The following LAMA2 variants were observed in gnomAD, a reference collection of about 807,000 sequenced individuals.
LAMA2 encodes the protein laminin subunit alpha 2.
LAMA2 carries 269 observed loss-of-function variants against 364.8 expected under a neutral mutation model. The ratio of observed to expected loss-of-function variants is 0.74; its 90% CI spans 0.67 to 0.82. The LOEUF is 0.82. Among genes scored for constraint, LAMA2 ranks in the 40% least tolerant of loss-of-function variants. The pLI is 0.00. For synonymous variants in LAMA2, 1,379 were observed against 1,370.6 expected (o/e 1.01, Z -0.14); for missense variants, 3,807 against 3,873.2 (o/e 0.98, Z 0.45).
At chr6:129,206,103 AGGG>A in intron 12 of LAMA2, among the ~76,000 whole-genome samples, 2 of 92,334 alleles carry the variant, frequency 2.2e-5, no homozygotes, top group African/African-American at 1.2e-4. Context: ...GGAGGGAGGG[AGGG>A]AGGAAGGAAG....
intron 62 of LAMA2, among the ~76,000 whole-genome samples, chr6:129,510,485 G>A (rs765500575): frequency 7.2e-5 from 11 of 152,138 alleles, no homozygotes; most frequent in African/African-American, 1.2e-4. Context: ...ATTCAGTCCC[G>A]TGGTATCATA....
intron 28 of LAMA2, among the ~76,000 whole-genome samples, chr6:129,324,233 T>C (rs768594956): frequency 2.0e-5 from 3 of 152,240 alleles, no homozygotes; most frequent in Non-Finnish European, 4.4e-5. Flanking sequence ...CTATTTGAGA[T>C]AGAGAAACCT....
At chr6:129,327,672 C>T (rs12206081) in intron 28 of LAMA2, among the ~76,000 whole-genome samples, 21,682 of 152,052 alleles carry the variant, frequency 0.14, 2,022 homozygotes, top group East Asian at 0.44. Flanking sequence ...CATATGTCAG[C>T]TTCACTAGAA....
intron 3 of LAMA2, among the ~76,000 whole-genome samples, chr6:129,062,234 A>G (rs1788970090): frequency 6.6e-6 from 1 of 152,180 alleles, no homozygotes; most frequent in Admixed American, 6.5e-5. Flanking sequence ...ATAATCCTGA[A>G]TAAACCAGCT....
At chr6:129,342,818 A>C (rs953217465) in intron 30 of LAMA2, among the ~76,000 whole-genome samples, 3 of 152,158 alleles carry the variant, frequency 2.0e-5, no homozygotes, top group African/African-American at 7.2e-5. Flanking sequence ...ATCATCTATG[A>C]AGGATTGTTC....
chr6:129,234,424 T>G (rs1784858489), intron 12 of LAMA2, among the ~76,000 whole-genome samples: 1 of 152,164 alleles, frequency 6.6e-6, no homozygotes, highest in Non-Finnish European at 1.5e-5. Flanking sequence ...TTCTTGAGTT[T>G]TTTACTTATA....
At chr6:129,276,292 A>G (rs1788324285) in intron 17 of LAMA2, among the ~76,000 whole-genome samples, 1 of 152,142 alleles carries the variant, frequency 6.6e-6, no homozygotes, top group Admixed American at 6.6e-5. Flanking sequence ...TGTGTATGCA[A>G]ATACAGAACA....
In LAMA2 at chr6:129,157,789, T is replaced by C. The variant is rs1228053837; in HGVS notation, c.1206+3106T>C. On this transcript the variant is annotated intron_variant, in intron 8 of 64. Coordinates refer to ENST00000421865, the MANE Select transcript of LAMA2 (RefSeq NM_000426.4). ...TAGTCTTCCACGATCCCTCCTGTGA[T>C]ACAACGACGAGCCATCTCCCAAATG... is the stretch of plus-strand genomic sequence containing the variant. The C allele has an allele frequency of 4.0e-4, 640 of 1,613,166 alleles. 1 individual carries two copies. The highest frequency in any genetic ancestry group is 1.3e-3 in the South Asian group (117 of 91,076).
At chr6:129,507,254 G>C (rs528132308) in intron 61 of LAMA2, among the ~76,000 whole-genome samples, 1 of 152,162 alleles carries the variant, frequency 6.6e-6, no homozygotes, top group East Asian at 1.9e-4. Flanking sequence ...TAGACTATGA[G>C]AACAGTCATA....
chr6:129,197,702 T>C (rs1035218420), intron 12 of LAMA2, among the ~76,000 whole-genome samples: 1 of 152,230 alleles, frequency 6.6e-6, no homozygotes, highest in African/African-American at 2.4e-5. Context: ...GACCTGTTTC[T>C]GATACTTTTT....
intron 35 of LAMA2, among the ~76,000 whole-genome samples, chr6:129,387,335 C>G (rs1779071883): frequency 6.6e-6 from 1 of 152,070 alleles, no homozygotes; most frequent in South Asian, 2.1e-4. Context: ...TAGAGAAATG[C>G]AAGTCAAAAC....
rs1298746955 is a variant in LAMA2 at position 128,883,722 on chromosome 6, G to C, written c.112+365G>C. 3.3e-5 allele frequency among the ~76,000 whole-genome samples: 5 copies of C among 151,374 alleles called. No individual in the cohort carries two copies. The East Asian group carries it at 9.7e-4, about 29-fold the overall frequency. On this transcript the variant is annotated intron_variant, in intron 1 of 64. Transcript: ENST00000421865. ...ATCAGAGCCCATCCTGCAGAGAAAG[G>C]CTTCCCAAGCTGTGTGGTTCATCCT...
At chr6:129,120,581 C>G (rs1470254787) in intron 4 of LAMA2, among the ~76,000 whole-genome samples, 2 of 152,166 alleles carry the variant, frequency 1.3e-5, no homozygotes, top group Admixed American at 1.3e-4. Flanking sequence ...TAGTATACCA[C>G]AAAACATCTG....
At chr6:128,994,112 T>C (rs1304538450) in intron 1 of LAMA2, among the ~76,000 whole-genome samples, 2 of 152,226 alleles carry the variant, frequency 1.3e-5, no homozygotes, top group Non-Finnish European at 2.9e-5. Flanking sequence ...TGAAAATTGA[T>C]GGTCTAAATC....
chr6:129,122,937 A>G (rs908471509), intron 4 of LAMA2, among the ~76,000 whole-genome samples: 4 of 152,204 alleles, frequency 2.6e-5, no homozygotes, highest in Non-Finnish European at 4.4e-5. Flanking sequence ...TAAAATCAGC[A>G]CAGAGGGAAT....
At chr6:129,074,740 A>G (rs1315617817) in intron 3 of LAMA2, among the ~76,000 whole-genome samples, 1 of 152,210 alleles carries the variant, frequency 6.6e-6, no homozygotes, top group East Asian at 1.9e-4. Flanking sequence ...CAATATTAAA[A>G]CAATAATTAT....
chr6:129,228,920 C>A (rs1406663184), intron 12 of LAMA2, among the ~76,000 whole-genome samples: 1 of 152,118 alleles, frequency 6.6e-6, no homozygotes, highest in East Asian at 1.9e-4. Context: ...TTAAGAGGAG[C>A]ATTTGATTGA....
intron 1 of LAMA2, among the ~76,000 whole-genome samples, chr6:128,960,343 C>CTT (rs35955136): frequency 2.7e-5 from 3 of 112,008 alleles, no homozygotes; most frequent in East Asian, 2.6e-4. Flanking sequence ...TTTTTTTTTC[C>CTT]TTTTTTTTTT....
At chr6:128,965,539 CTT>C (rs1781784879) in intron 1 of LAMA2, among the ~76,000 whole-genome samples, 1 of 151,952 alleles carries the variant, frequency 6.6e-6, no homozygotes, top group Non-Finnish European at 1.5e-5. Context: ...TTATTTTCCT[CTT>C]GTTTCTTGCT....
Sources: gnomAD v4.1 joint callset for allele counts (sites outside exome capture counted in the v4.1 genomes callset) on GRCh38, gnomAD v4.1.1 for gene constraint, MANE v1.5 for transcripts, NCBI Gene and HGNC (gene_info 2026-07-23, HGNC 2026-07-21) for gene names.